Variants in EPHA5 observed in about 807,000 individuals in gnomAD.
EPHA5 encodes EPH receptor A5.
Under a neutral mutation model 105.0 loss-of-function variants are expected in EPHA5, and 60 were observed. That is an observed-to-expected ratio of 0.57 (90% CI 0.46 to 0.71). The LOEUF is 0.71. Ranked by LOEUF, EPHA5 falls within the 30% of genes least tolerant of loss-of-function variation. EPHA5 has a pLI of 0.00. For missense variants in EPHA5, 1,218 were observed against 1,274.7 expected (o/e 0.96, Z 0.68); for synonymous variants, 513 against 449.1 (o/e 1.14, Z -1.80).
intron 4 of EPHA5, among the ~76,000 whole-genome samples, chr4:65,491,763 A>G (rs1448266116): frequency 1.3e-5 from 2 of 152,066 alleles, no homozygotes; most frequent in African/African-American, 4.8e-5. Context: ...TATGAATTTC[A>G]TATATTAAGG....
At chr4:65,349,400 G>A (rs943128122) in intron 13 of EPHA5, among the ~76,000 whole-genome samples, 1 of 151,956 alleles carries the variant, frequency 6.6e-6, no homozygotes, top group African/African-American at 2.4e-5. Flanking sequence ...CTCTTTCAGG[G>A]TGAAATTATT....
intron 8 of EPHA5, chr4:65,377,095 G>A (rs2148920481): frequency 1.9e-6 from 3 of 1,594,906 alleles, no homozygotes; most frequent in Non-Finnish European, 2.6e-6. Flanking sequence ...CCAAGATAAG[G>A]AAGAGATCCC....
At chr4:65,349,807 A>C (rs917857532) in intron 13 of EPHA5, among the ~76,000 whole-genome samples, 5 of 152,176 alleles carry the variant, frequency 3.3e-5, no homozygotes, top group Non-Finnish European at 7.4e-5. Context: ...CTATGCATAG[A>C]TATTCTATAA....
intron 3 of EPHA5, among the ~76,000 whole-genome samples, chr4:65,580,811 A>G (rs1741543594): frequency 6.6e-6 from 1 of 150,898 alleles, no homozygotes; most frequent in Non-Finnish European, 1.5e-5. Context: ...TTTACTTTGA[A>G]ACATCTACTT....
At chr4:65,521,948 T>C (rs1167440783) in intron 3 of EPHA5, among the ~76,000 whole-genome samples, 1 of 152,056 alleles carries the variant, frequency 6.6e-6, no homozygotes, top group Admixed American at 6.6e-5. Context: ...TTTGTTAAGC[T>C]TTGATTCTGA....
intron 2 of EPHA5, among the ~76,000 whole-genome samples, chr4:65,615,935 A>T (rs143148944): frequency 6.6e-6 from 1 of 152,044 alleles, no homozygotes; most frequent in Non-Finnish European, 1.5e-5. Context: ...ACTCTTCAAC[A>T]TCTATACCTG....
chr4:65,522,234 C>T (rs1262073074), intron 3 of EPHA5, among the ~76,000 whole-genome samples: 1 of 150,920 alleles, frequency 6.6e-6, no homozygotes, highest in Admixed American at 6.6e-5. Context: ...GGATTTCCTG[C>T]TTCTTCCCTA....
intron 3 of EPHA5, among the ~76,000 whole-genome samples, chr4:65,574,731 CATATATATATACATATATAT>C (rs1740706736): frequency 1.2e-5 from 1 of 85,600 alleles, no homozygotes; most frequent in African/African-American, 5.8e-5. Context: ...CATATATATA[CATATATATATACATATATAT>C]ATATATACAC....
At chr4:65,400,334 T>C (rs1721692195) in intron 8 of EPHA5, among the ~76,000 whole-genome samples, 1 of 152,162 alleles carries the variant, frequency 6.6e-6, no homozygotes, top group Admixed American at 6.5e-5. Flanking sequence ...AGCTCATAGT[T>C]TGTGGAAGGC....
intron 1 of EPHA5, among the ~76,000 whole-genome samples, chr4:65,648,950 A>G (rs920147325): frequency 1.3e-5 from 2 of 152,200 alleles, no homozygotes; most frequent in Non-Finnish European, 2.9e-5. Context: ...TTCCCACTGG[A>G]AAACTAGATT....
intron 3 of EPHA5, among the ~76,000 whole-genome samples, chr4:65,576,420 T>C (rs1276957283): frequency 6.6e-6 from 1 of 152,234 alleles, no homozygotes; most frequent in Non-Finnish European, 1.5e-5. Context: ...GTTCATCCAA[T>C]ATATTGGGCA....
At position 65,436,302 on chromosome 4, in the gene EPHA5, G is replaced by A. The variant is rs116801168; in HGVS notation, c.1403-15737C>T. ...TAACACTTTGGAGAAATGTTTCTAT[G>A]TTTCCTAATCAACTACTATCAAGAT... On this transcript the variant is annotated intron_variant, in intron 5 of 16. Coordinates refer to ENST00000613740, the MANE Select transcript of EPHA5 (RefSeq NM_001281766.3). Among the ~76,000 whole-genome samples, 611 of 151,868 alleles carry A rather than the reference G, an allele frequency of 4.0e-3. 4 individuals are homozygous for A. The highest frequency in any genetic ancestry group is 0.014 in the African/African-American group (569 of 41,472).
At chr4:65,616,394 T>G (rs1317076111) in intron 2 of EPHA5, among the ~76,000 whole-genome samples, 1 of 144,756 alleles carries the variant, frequency 6.9e-6, no homozygotes, top group African/African-American at 2.6e-5. Flanking sequence ...CTACACAAAC[T>G]TACACAGATG....
At chr4:65,617,227 G>T (rs779307045) in intron 2 of EPHA5, among the ~76,000 whole-genome samples, 1 of 151,860 alleles carries the variant, frequency 6.6e-6, no homozygotes, top group Non-Finnish European at 1.5e-5. Flanking sequence ...CCTCTTACAC[G>T]CATTTTTCAT....
In EPHA5 at chr4:65,593,587, T is replaced by C. The variant is rs1742882998; in HGVS notation, c.910+8054A>G. ...CTAAAAAATTCCCAGGTGATGCCAA[T>C]GCTGCCGGTCCATGTATCATTTCTA... On this transcript the variant is annotated intron_variant, in intron 3 of 16. Transcript: ENST00000613740. Among the ~76,000 whole-genome samples, 6 of 152,146 alleles carry C rather than the reference T, an allele frequency of 3.9e-5. No homozygotes were observed. In the South Asian group the frequency reaches 1.2e-3, roughly 31 times the overall value.
chr4:65,354,625 G>A (rs1723127692), intron 11 of EPHA5, among the ~76,000 whole-genome samples: 5 of 151,542 alleles, frequency 3.3e-5, no homozygotes, highest in Middle Eastern at 3.2e-3. Context: ...TAATTTAATG[G>A]CATTCTTCAG....
intron 5 of EPHA5, among the ~76,000 whole-genome samples, chr4:65,469,218 C>T (rs2149156834): frequency 6.6e-6 from 1 of 152,092 alleles, no homozygotes; most frequent in Admixed American, 6.5e-5. Flanking sequence ...GAAGCCAGAC[C>T]CATAATCAAA....
At chr4:65,570,781 CTG>C (rs1233027009) in intron 3 of EPHA5, among the ~76,000 whole-genome samples, 1 of 151,904 alleles carries the variant, frequency 6.6e-6, no homozygotes, top group Non-Finnish European at 1.5e-5. Context: ...TACTGTCAGT[CTG>C]TGACTATACA....
chr4:65,329,085 T>G (rs1359580476), intron 16 of EPHA5, among the ~76,000 whole-genome samples: 1 of 151,346 alleles, frequency 6.6e-6, no homozygotes, highest in African/African-American at 2.4e-5. Flanking sequence ...AAAGTAGCTG[T>G]GATTCTGTCC....
Sources: allele counts gnomAD v4.1 joint callset (sites outside exome capture counted in the v4.1 genomes callset), GRCh38; gene constraint gnomAD v4.1.1; transcripts MANE v1.5; gene names NCBI Gene and HGNC (gene_info 2026-07-23, HGNC 2026-07-21).